The following ATRNL1 variants were observed in gnomAD, a reference collection of about 807,000 sequenced individuals.
ATRNL1 encodes the protein attractin-like protein 1.
ATRNL1 carries 95 observed loss-of-function variants against 182.7 expected under a neutral mutation model. The observed-to-expected ratio is 0.52, with a 90% CI of 0.44 to 0.62. The LOEUF (loss-of-function observed/expected upper bound fraction) is 0.62. Among genes scored for constraint, ATRNL1 ranks in the 20% least tolerant of loss-of-function variants. ATRNL1 has a pLI of 0.00. For missense variants in ATRNL1, 1,471 were observed against 1,679.5 expected, an observed-to-expected ratio of 0.88 and a Z score of 2.17; for synonymous variants, 576 against 568.3, an observed-to-expected ratio of 1.01 and a Z score of -0.19.
At chr10:115,839,841 C>G (rs1950763037) in intron 27 of ATRNL1, among the ~76,000 whole-genome samples, 1 of 152,288 alleles carries the variant, frequency 6.6e-6, no homozygotes, top group East Asian at 1.9e-4. Flanking sequence ...GATCTATCAG[C>G]TGTATTCTTA....
chr10:115,488,386 C>A (rs1849131647), intron 24 of ATRNL1, among the ~76,000 whole-genome samples: 1 of 152,114 alleles, frequency 6.6e-6, no homozygotes, highest in African/African-American at 2.4e-5. Context: ...TTAATCAATG[C>A]CTCAATTTCA....
intron 26 of ATRNL1, among the ~76,000 whole-genome samples, chr10:115,713,708 CT>C (rs782549715): frequency 0.073 from 3,434 of 47,222 alleles, 77 homozygotes; most frequent in African/African-American, 0.12. Flanking sequence ...TATCTATCAT[CT>C]ATCTATCTAT....
intron 27 of ATRNL1, among the ~76,000 whole-genome samples, chr10:115,806,403 G>T (rs1464188863): frequency 6.6e-6 from 1 of 152,102 alleles, no homozygotes; most frequent in East Asian, 1.9e-4. Context: ...GGCAGTTCCA[G>T]TGCTGCTTTT....
At chr10:115,398,931 TAGAA>T (rs1844419789) in intron 20 of ATRNL1, among the ~76,000 whole-genome samples, 1 of 152,136 alleles carries the variant, frequency 6.6e-6, no homozygotes, top group Non-Finnish European at 1.5e-5. Context: ...TTGAATTTTA[TAGAA>T]ACCCCTTTCT....
chr10:115,663,329 A>G (rs1936069878), intron 26 of ATRNL1, among the ~76,000 whole-genome samples: 1 of 152,220 alleles, frequency 6.6e-6, no homozygotes, highest in African/African-American at 2.4e-5. Context: ...TATGTATATT[A>G]TAATTTCAGC....
At chr10:115,262,663 T>C (rs1486685903) in intron 10 of ATRNL1, among the ~76,000 whole-genome samples, 1 of 152,010 alleles carries the variant, frequency 6.6e-6, no homozygotes, top group Non-Finnish European at 1.5e-5. Flanking sequence ...GTATCCAGAA[T>C]ATTTAATCAA....
intron 26 of ATRNL1, among the ~76,000 whole-genome samples, chr10:115,651,473 G>T (rs1186445214): frequency 6.6e-6 from 1 of 152,034 alleles, no homozygotes; most frequent in Non-Finnish European, 1.5e-5. Flanking sequence ...TCCTTTTACT[G>T]CTTTCAAGAT....
At chr10:115,110,314 A>G (rs1003420916) in intron 1 of ATRNL1, among the ~76,000 whole-genome samples, 1 of 152,194 alleles carries the variant, frequency 6.6e-6, no homozygotes, top group African/African-American at 2.4e-5. Context: ...CTAGCAGAAG[A>G]GGAAGCTAAA....
intron 19 of ATRNL1, among the ~76,000 whole-genome samples, chr10:115,356,204 A>ATT (rs1375580742): frequency 6.6e-6 from 1 of 152,130 alleles, no homozygotes; most frequent in African/African-American, 2.4e-5. Flanking sequence ...CAGAAAATTT[A>ATT]TTACCAAATG....
At chr10:115,330,672 C>CTTTTTTTTTT (rs200104323) in intron 18 of ATRNL1, among the ~76,000 whole-genome samples, 1 of 101,376 alleles carries the variant, frequency 9.9e-6, no homozygotes, top group African/African-American at 3.7e-5. Context: ...GTGTTATTTG[C>CTTTTTTTTTT]TTTTTTTTTT....
chr10:115,893,131 A>G (rs1952120653), intron 28 of ATRNL1, among the ~76,000 whole-genome samples: 1 of 152,180 alleles, frequency 6.6e-6, no homozygotes, highest in Admixed American at 6.5e-5. Flanking sequence ...CACTGCTGAC[A>G]ATGCAGGTTC....
intron 19 of ATRNL1, among the ~76,000 whole-genome samples, chr10:115,362,137 C>T (rs1554944401): frequency 6.6e-6 from 1 of 151,738 alleles, no homozygotes; most frequent in Non-Finnish European, 1.5e-5. Context: ...TAATATATGG[C>T]AATGGTTGTA....
chr10:115,238,215 A>G (rs541572848), intron 9 of ATRNL1, among the ~76,000 whole-genome samples: 2 of 152,264 alleles, frequency 1.3e-5, no homozygotes, highest in Admixed American at 6.5e-5. Context: ...TGTGCTGGCT[A>G]TTTTAGGTCT....
chr10:115,689,798 G>A (rs1028413718), intron 26 of ATRNL1, among the ~76,000 whole-genome samples: 1 of 152,208 alleles, frequency 6.6e-6, no homozygotes, highest in Non-Finnish European at 1.5e-5. Flanking sequence ...CAACAGTTCT[G>A]TAGAGGTGGG....
intron 21 of ATRNL1, among the ~76,000 whole-genome samples, chr10:115,444,385 G>T (rs973579724): frequency 6.6e-5 from 10 of 151,768 alleles, no homozygotes; most frequent in Admixed American, 2.0e-4. Context: ...AAAGGTATAG[G>T]TATTTATATA....
intron 27 of ATRNL1, among the ~76,000 whole-genome samples, chr10:115,767,431 T>C (rs1167115758): frequency 1.3e-5 from 2 of 152,174 alleles, no homozygotes; most frequent in African/African-American, 4.8e-5. Context: ...CCATGGATCC[T>C]GCATACCACA....
intron 27 of ATRNL1, among the ~76,000 whole-genome samples, chr10:115,739,784 T>C (rs1948084251): frequency 6.6e-6 from 1 of 152,236 alleles, no homozygotes; most frequent in South Asian, 2.1e-4. Context: ...GCAGTAGTTA[T>C]TTCCTAGTTT....
At chr10:115,698,842 T>C (rs1351971364) in intron 26 of ATRNL1, among the ~76,000 whole-genome samples, 1 of 151,906 alleles carries the variant, frequency 6.6e-6, no homozygotes, top group Non-Finnish European at 1.5e-5. Flanking sequence ...AAATGGCCAT[T>C]ACTAGCAATA....
chr10:115,274,680 G>A (rs1350661108), intron 13 of ATRNL1, among the ~76,000 whole-genome samples: 2 of 152,200 alleles, frequency 1.3e-5, no homozygotes, highest in African/African-American at 4.8e-5. Flanking sequence ...TTATTAAATA[G>A]GAGTGGAGAG....
Sources: gnomAD v4.1 joint callset for allele counts (sites outside exome capture counted in the v4.1 genomes callset) on GRCh38, gnomAD v4.1.1 for gene constraint, MANE v1.5 for transcripts, NCBI Gene and HGNC (gene_info 2026-07-23, HGNC 2026-07-21) for gene names.